VWF: variants seen among roughly 807,000 people sequenced by gnomAD.
VWF encodes the protein Factor VIII related antigen.
In VWF, 176 loss-of-function variants were observed where a neutral mutation model predicts 308.6. That is an observed-to-expected ratio of 0.57 (90% confidence interval 0.50 to 0.65). VWF has a LOEUF of 0.65. Ranked by LOEUF, VWF falls within the 30% of genes least tolerant of loss-of-function variation. VWF has a pLI of 0.00. For missense variants in VWF, 3,146 were observed against 3,648.2 expected (o/e 0.86, Z 3.55); for synonymous variants, 1,385 against 1,443.4 (o/e 0.96, Z 0.92).
intron 18 of VWF, among the ~76,000 whole-genome samples, chr12:6,037,201 T>C (rs1199660385): frequency 6.6e-6 from 1 of 152,160 alleles, no homozygotes; most frequent in Non-Finnish European, 1.5e-5. Flanking sequence ...AGTGGGAGGA[T>C]TTTATTTTCT....
At chr12:6,090,098 C>T (rs1222822776) in intron 6 of VWF, among the ~76,000 whole-genome samples, 3 of 152,102 alleles carry the variant, frequency 2.0e-5, no homozygotes, top group African/African-American at 7.2e-5. Flanking sequence ...GCTGGGACTA[C>T]AGGCACCTGC....
chr12:6,025,290 G>A (rs1018532243), intron 24 of VWF, among the ~76,000 whole-genome samples: 13 of 152,212 alleles, frequency 8.5e-5, no homozygotes, highest in African/African-American at 1.7e-4. Flanking sequence ...ACTTCAATAA[G>A]AGAACAAATC....
At chr12:6,034,933 A>G in intron 19 of VWF, 107 bp from the exon 20 acceptor site, 1 of 1,420,368 alleles carries the variant, frequency 7.0e-7, no homozygotes, top group Non-Finnish European at 9.7e-7. Flanking sequence ...GGTGCCTCCC[A>G]ACCCTCCAGG....
intron 6 of VWF, among the ~76,000 whole-genome samples, chr12:6,078,497 G>A (rs1591904241): frequency 1.3e-5 from 2 of 152,184 alleles, no homozygotes; most frequent in African/African-American, 4.8e-5. Flanking sequence ...GTGCAGATGA[G>A]GGTGTCCCAG....
chr12:5,961,365 T>C (rs980606019), intron 47 of VWF, among the ~76,000 whole-genome samples: 6 of 152,182 alleles, frequency 3.9e-5, no homozygotes, highest in African/African-American at 1.4e-4. Flanking sequence ...ACTGCTGCTG[T>C]TGAACACACA....
intron 43 of VWF, among the ~76,000 whole-genome samples, chr12:5,975,296 G>A (rs1332413480): frequency 2.6e-5 from 4 of 152,250 alleles, no homozygotes; most frequent in Non-Finnish European, 2.9e-5. Context: ...CAAGATGGAT[G>A]TGCTCGCCTG....
At chr12:5,959,395 C>G (rs1348907204) in intron 47 of VWF, among the ~76,000 whole-genome samples, 5 of 152,056 alleles carry the variant, frequency 3.3e-5, no homozygotes, top group Admixed American at 6.5e-5. Flanking sequence ...TATGTTCTCT[C>G]AGTAATTGAT....
At chr12:5,964,230 A>ACATACATACATGCATACATACATG (rs1943360520) in intron 47 of VWF, among the ~76,000 whole-genome samples, 1 of 140,416 alleles carries the variant, frequency 7.1e-6, no homozygotes, top group African/African-American at 3.1e-5. Context: ...ATACATACAT[A>ACATACATACATGCATACATACATG]CATACATACA....
At chr12:5,970,991 C>T (rs1383731021) in intron 44 of VWF, among the ~76,000 whole-genome samples, 1 of 152,188 alleles carries the variant, frequency 6.6e-6, no homozygotes, top group African/African-American at 2.4e-5. Flanking sequence ...AAGAGAGAAC[C>T]TGGCAGCACA....
At chr12:6,018,167 C>T (rs961802731) in intron 28 of VWF, among the ~76,000 whole-genome samples, 198 bp downstream of exon 28, 20 of 151,794 alleles carry the variant, frequency 1.3e-4, no homozygotes, top group Admixed American at 3.3e-4. Flanking sequence ...GATCTTCCCC[C>T]GAAAAAGGAT....
intron 28 of VWF, among the ~76,000 whole-genome samples, chr12:6,017,828 C>CA (rs923122843): frequency 2.6e-5 from 4 of 152,178 alleles, no homozygotes; most frequent in Admixed American, 1.3e-4. Context: ...TAGCAAGTAG[C>CA]AGAGATAAGA....
intron 3 of VWF, 21 bp from the exon 4 acceptor site, chr12:6,110,989 T>C (rs371003267): frequency 4.0e-5 from 64 of 1,584,242 alleles, no homozygotes; most frequent in African/African-American, 1.2e-4. Flanking sequence ...AAAAAGTCAA[T>C]AGTAGTGATT....
chr12:6,018,514 T>A lies in VWF; in HGVS notation c.4904A>T (p.Asn1635Ile), dbSNP rs778661133. 1.5e-5 allele frequency: 25 copies of A among 1,613,872 alleles called. No individual in the cohort carries two copies. The South Asian group carries it at 2.4e-4, about 16-fold the overall frequency. ...VVPIGVGPNA[N>I]VQELERIGWP... ...GCCAATCCTCTCCAGCTCCTGCACG[T>A]TGGCATTAGGGCCCACTCCAATGGG... The change falls in exon 28 of 52, where the codon AAC becomes ATC. Residue 1635 changes from asparagine (N) to isoleucine (I), a missense_variant. Around this residue, in one of 3 missense-constraint regions of VWF, gnomAD observed 853 missense variants for 1,177.8 expected, o/e 0.72. Coordinates refer to ENST00000261405, the MANE Select transcript of VWF (RefSeq NM_000552.5).
At chr12:6,103,892 G>A (rs1945211639) in intron 5 of VWF, among the ~76,000 whole-genome samples, 1 of 151,964 alleles carries the variant, frequency 6.6e-6, no homozygotes, top group African/African-American at 2.4e-5. Context: ...AAAAACACAG[G>A]CAACAAAAAC....
intron 43 of VWF, among the ~76,000 whole-genome samples, chr12:5,975,780 GA>G (rs3841765): frequency 0.074 from 11,335 of 152,190 alleles, 618 homozygotes; most frequent in East Asian, 0.25. Flanking sequence ...CCATACAACA[GA>G]CGTGACCATT....
At position 6,056,960 on chromosome 12, in the gene VWF, G is replaced by A; in HGVS notation, c.1842C>T (p.Ser614=). The A allele has an allele frequency of 6.5e-7, 1 of 1,540,112 alleles. No homozygotes were observed. Among genetic ancestry groups the A allele is most frequent in the Non-Finnish European group, 8.7e-7 (1 of 1,147,728 alleles). ...YLRNCRYDVC[S]CSDGRECLCG... is the part of the protein sequence containing the mutation. Reference sequence around the variant, plus strand: ...ACAGGCACTCGCGGCCGTCCGAGCAGGAGCACACGTCGTAGCGGCAGTTCC... The same window carrying A: ...ACAGGCACTCGCGGCCGTCCGAGCAAGAGCACACGTCGTAGCGGCAGTTCC... The change falls in exon 15 of 52, where the codon TCC becomes TCT. Residue 614 remains serine, a synonymous_variant. Transcript: ENST00000261405.
At chr12:6,079,750 G>T (rs948356641) in intron 6 of VWF, among the ~76,000 whole-genome samples, 3 of 152,136 alleles carry the variant, frequency 2.0e-5, no homozygotes, top group African/African-American at 7.2e-5. Context: ...CTCCAGCAGG[G>T]TGTCCAAGCC....
chr12:5,951,968 C>T (rs570845900), intron 49 of VWF, 85 bp from the exon 50 acceptor site: 32 of 1,344,074 alleles, frequency 2.4e-5, no homozygotes, highest in South Asian at 1.3e-4. Context: ...TTTTTAGCTC[C>T]GAACTCACAG....
At chr12:5,958,794 A>G (rs1218706565) in intron 47 of VWF, among the ~76,000 whole-genome samples, 1 of 152,208 alleles carries the variant, frequency 6.6e-6, no homozygotes, top group Non-Finnish European at 1.5e-5. Flanking sequence ...GCTTGGATAA[A>G]TGATAGTAGA....
Sources: allele counts gnomAD v4.1 joint callset (sites outside exome capture counted in the v4.1 genomes callset), GRCh38; gene constraint gnomAD v4.1.1; regional missense constraint gnomAD v4.1.1; transcripts MANE v1.5; gene names NCBI Gene and HGNC (gene_info 2026-07-23, HGNC 2026-07-21).